FOXP2: variants seen among roughly 807,000 people sequenced by gnomAD.
The protein encoded by FOXP2 is forkhead box P2.
A neutral mutation model predicts 115.8 loss-of-function variants in FOXP2; 12 were observed. That is an observed-to-expected ratio of 0.10 (90% CI 0.07 to 0.17). The LOEUF (loss-of-function observed/expected upper bound fraction) is 0.17, where lower values mean the gene tolerates loss of function less well. Ranked by LOEUF, FOXP2 falls within the 10% of genes least tolerant of loss-of-function variation. FOXP2 has a pLI of 1.00. For missense variants in FOXP2, 629 were observed against 843.5 expected (o/e 0.75, Z 3.15); for synonymous variants, 328 against 297.7 (o/e 1.10, Z -1.05).
chr7:114,277,104 T>C (rs1336528094), intron 1 of FOXP2, among the ~76,000 whole-genome samples: 1 of 152,170 alleles, frequency 6.6e-6, no homozygotes, highest in African/African-American at 2.4e-5. Flanking sequence ...CGGAACCCAC[T>C]GGCAAATAAT....
At chr7:114,176,284 CTT>C (rs1562992847) in intron 1 of FOXP2, among the ~76,000 whole-genome samples, 3 of 42,664 alleles carry the variant, frequency 7.0e-5, no homozygotes, top group African/African-American at 1.8e-4. Context: ...TTCTTTCTTT[CTT>C]TCTTTCTTTC....
chr7:114,310,473 G>A (rs1797121745), intron 2 of FOXP2, among the ~76,000 whole-genome samples: 1 of 151,806 alleles, frequency 6.6e-6, no homozygotes, highest in Non-Finnish European at 1.5e-5. Flanking sequence ...TCCTCCATAT[G>A]TCAAGTGTTA....
chr7:114,510,883 C>G (rs1223450735), intron 2 of FOXP2, among the ~76,000 whole-genome samples: 1 of 152,132 alleles, frequency 6.6e-6, no homozygotes. Context: ...TATAAACATT[C>G]TACTATAAAG....
At chr7:114,302,531 G>T (rs1796903338) in intron 2 of FOXP2, among the ~76,000 whole-genome samples, 1 of 152,056 alleles carries the variant, frequency 6.6e-6, no homozygotes, top group Non-Finnish European at 1.5e-5. Context: ...TAAGAATAGA[G>T]ACAGTATTTA....
chr7:114,176,224 GT>G (rs1793289432), intron 1 of FOXP2, among the ~76,000 whole-genome samples: 1 of 133,496 alleles, frequency 7.5e-6, no homozygotes, highest in African/African-American at 3.1e-5. Context: ...GTCTTGTCTT[GT>G]CTTGTCTTTT....
chr7:114,130,254 C>G (rs1791835817), intron 1 of FOXP2, among the ~76,000 whole-genome samples: 1 of 152,126 alleles, frequency 6.6e-6, no homozygotes. Context: ...GCCTGGGAGG[C>G]AGAGGTTGTA....
chr7:114,149,603 T>A (rs1231773498), intron 1 of FOXP2, among the ~76,000 whole-genome samples: 1 of 143,990 alleles, frequency 6.9e-6, no homozygotes, highest in African/African-American at 2.8e-5. Context: ...CCATTTAACA[T>A]TTTTTTTTTA....
intron 1 of FOXP2, among the ~76,000 whole-genome samples, chr7:114,286,411 C>A (rs1427640374): frequency 6.6e-6 from 1 of 151,830 alleles, no homozygotes; most frequent in Non-Finnish European, 1.5e-5. Context: ...TTTTAAAAAT[C>A]TAGAATTTAT....
At chr7:114,344,624 C>T (rs1342041839) in intron 2 of FOXP2, among the ~76,000 whole-genome samples, 2 of 151,680 alleles carry the variant, frequency 1.3e-5, no homozygotes, top group African/African-American at 4.8e-5. Flanking sequence ...TCAGATTGAC[C>T]GTAGACATAT....
chr7:114,411,718 C>G (rs888424472), upstream of FOXP2, among the ~76,000 whole-genome samples: 1 of 152,032 alleles, frequency 6.6e-6, no homozygotes, highest in Admixed American at 6.6e-5. Context: ...TAATCAGTGT[C>G]CTAGCTCATT....
In FOXP2 at chr7:114,371,411, G is replaced by A. The variant is rs1792004247; in HGVS notation, c.-10-55091G>A. On this transcript the variant is annotated intron_variant, in intron 2 of 17. Coordinates refer to the FOXP2 transcript ENST00000634411. ...AACAACTTAATACTTCTGTTTTAAG[G>A]TAGATGATACATCTTGGAGATGCTA... Among the ~76,000 whole-genome samples, 3 of 151,838 alleles carry A rather than the reference G, an allele frequency of 2.0e-5. No individual in the cohort carries two copies. The South Asian group carries it at 6.2e-4, about 32-fold the overall frequency.
At chr7:114,626,726 T>C (rs574992134) in intron 3 of FOXP2, among the ~76,000 whole-genome samples, 3 of 149,860 alleles carry the variant, frequency 2.0e-5, no homozygotes, top group Admixed American at 2.0e-4. Flanking sequence ...AAAGACATTT[T>C]TGTAGATTGA....
chr7:114,233,130 A>C (rs538863063), intron 1 of FOXP2, among the ~76,000 whole-genome samples: 2 of 152,300 alleles, frequency 1.3e-5, no homozygotes, highest in African/African-American at 4.8e-5. Flanking sequence ...TTCACTTAAA[A>C]ATTTGTTAAA....
chr7:114,555,934 C>T (rs1310636839), intron 3 of FOXP2, among the ~76,000 whole-genome samples: 1 of 152,088 alleles, frequency 6.6e-6, no homozygotes, highest in African/African-American at 2.4e-5. Flanking sequence ...CTCTTTATTC[C>T]CTTGTCTTCT....
At chr7:114,593,249 A>AC (rs1563021465) in intron 3 of FOXP2, among the ~76,000 whole-genome samples, 2 of 151,982 alleles carry the variant, frequency 1.3e-5, no homozygotes, top group South Asian at 4.1e-4. Flanking sequence ...AAGAAAAAAA[A>AC]ATCACTCTAT....
chr7:114,177,363 T>A (rs1363643619), intron 1 of FOXP2, among the ~76,000 whole-genome samples: 3 of 152,128 alleles, frequency 2.0e-5, no homozygotes, highest in African/African-American at 7.2e-5. Context: ...GTGTGAAAGT[T>A]TAAGTTGTTC....
rs1243489138 is a variant in FOXP2, at chr7:114,291,988, A to ATG, written c.-11+3880_-11+3881insGT. Among the ~76,000 whole-genome samples, 176 of 128,902 alleles carry ATG rather than the reference A, an allele frequency of 1.4e-3. 13 individuals carry two copies. The highest frequency in any genetic ancestry group is 5.6e-3 in the African/African-American group (154 of 27,266). The allele number at this position is 128,902 out of a possible 152,430, so 84.6% of individuals were successfully genotyped here. A position where few individuals can be genotyped will look rare whatever the true frequency, so the allele number is the denominator to read the frequency against. The stretch of plus-strand genomic sequence containing the variant: ...ATATATTATAGATAATATATAGAAT[A>ATG]TATATTATAGATAATATATAGATAT... On this transcript the variant is annotated intron_variant, in intron 2 of 17. Transcript: ENST00000634411.
chr7:114,602,143 T>C (rs1204917988), intron 3 of FOXP2, among the ~76,000 whole-genome samples: 4 of 152,110 alleles, frequency 2.6e-5, no homozygotes, highest in African/African-American at 9.6e-5. Context: ...AATTTTTTCC[T>C]TTATGTGTTT....
chr7:114,558,581 A>C (rs1800583426), intron 3 of FOXP2, among the ~76,000 whole-genome samples: 1 of 152,150 alleles, frequency 6.6e-6, no homozygotes, highest in Non-Finnish European at 1.5e-5. Flanking sequence ...GCTTCTCAGA[A>C]TACATCAGGG....
Sources: allele counts gnomAD v4.1 joint callset (sites outside exome capture counted in the v4.1 genomes callset), GRCh38; gene constraint gnomAD v4.1.1; transcripts MANE v1.5; gene names NCBI Gene and HGNC (gene_info 2026-07-23, HGNC 2026-07-21).